AAMDC: variants seen among roughly 807,000 people sequenced by gnomAD.
AAMDC encodes the protein mth938 domain-containing protein.
A neutral mutation model predicts 15.5 loss-of-function variants in AAMDC; 16 were observed. That is an observed-to-expected ratio of 1.03 (90% confidence interval 0.70 to 1.57). The LOEUF is 1.57. Among genes scored for constraint, AAMDC ranks in the 40% most tolerant of loss-of-function variants. The pLI, the probability that AAMDC is intolerant of heterozygous loss-of-function variation, is 0.00. For missense variants in AAMDC, 141 were observed against 144.9 expected (o/e 0.97, Z 0.14); for synonymous variants, 51 against 51.6 (o/e 0.99, Z 0.05).
intron 1 of AAMDC, among the ~76,000 whole-genome samples, chr11:77,831,568 A>G (rs1423862852): frequency 2.0e-5 from 3 of 152,160 alleles, no homozygotes; most frequent in Non-Finnish European, 4.4e-5. Context: ...TCTGAGAACC[A>G]ATCTTAATAC....
chr11:77,842,008 TC>T (rs202111037), intron 1 of AAMDC, among the ~76,000 whole-genome samples: 1,707 of 152,294 alleles, frequency 0.011, 16 homozygotes, highest in South Asian at 0.024. Flanking sequence ...TGGGGGTTGT[TC>T]CAGGCAAGAA....
At chr11:77,841,003 A>AT (rs991706518) in intron 1 of AAMDC, 21 of 516,822 alleles carry the variant, frequency 4.1e-5, no homozygotes, top group Non-Finnish European at 5.9e-5. Context: ...AATGAAAATA[A>AT]TTTTTTTTCT....
At chr11:77,891,522 G>C (rs928976002) in intron 5 of AAMDC, 2 of 1,597,030 alleles carry the variant, frequency 1.3e-6, no homozygotes, top group Non-Finnish European at 1.7e-6. Flanking sequence ...ATGAGAAAAC[G>C]CATCTTTTTT....
At chr11:77,838,528 T>C (rs1239435694) in intron 1 of AAMDC, among the ~76,000 whole-genome samples, 2 of 152,310 alleles carry the variant, frequency 1.3e-5, no homozygotes, top group East Asian at 3.9e-4. Context: ...CTCCAAAATT[T>C]TGTGAGCCAC....
intron 5 of AAMDC, among the ~76,000 whole-genome samples, chr11:77,893,060 G>A (rs1399525531): frequency 1.3e-5 from 2 of 152,164 alleles, no homozygotes; most frequent in African/African-American, 2.4e-5. Context: ...GACAATGAGC[G>A]GAAGAAATGA....
At chr11:77,837,388 G>A (rs145394065) in intron 1 of AAMDC, among the ~76,000 whole-genome samples, 120 of 148,240 alleles carry the variant, frequency 8.1e-4, no homozygotes, top group Middle Eastern at 8.4e-3. Flanking sequence ...CGCCTGCCTC[G>A]GCCTCCCAAA....
At chr11:77,859,998 A>G (rs1950807233) in intron 2 of AAMDC, among the ~76,000 whole-genome samples, 1 of 152,216 alleles carries the variant, frequency 6.6e-6, no homozygotes, top group Non-Finnish European at 1.5e-5. Flanking sequence ...TAAGACTGCT[A>G]TTGCTGCCAT....
intron 1 of AAMDC, among the ~76,000 whole-genome samples, chr11:77,839,181 C>G (rs1421479521): frequency 6.6e-6 from 1 of 152,084 alleles, no homozygotes; most frequent in Admixed American, 6.6e-5. Flanking sequence ...CTCAGTCACC[C>G]AGGCTGGAGT....
chr11:77,868,382 A>T, intron 2 of AAMDC, among the ~76,000 whole-genome samples: 1 of 98,676 alleles, frequency 1.0e-5, no homozygotes, highest in African/African-American at 4.2e-5. Flanking sequence ...TTTTGAGATG[A>T]AGTCTTGGTC....
At chr11:77,826,874 G>A (rs1409555717) in intron 1 of AAMDC, among the ~76,000 whole-genome samples, 2 of 152,170 alleles carry the variant, frequency 1.3e-5, no homozygotes, top group African/African-American at 2.4e-5. Flanking sequence ...AGAGGCCGAG[G>A]TGGGCAGAAC....
At chr11:77,891,298 G>A (rs769880964) in intron 5 of AAMDC, 1 of 1,606,994 alleles carries the variant, frequency 6.2e-7, no homozygotes, top group South Asian at 1.1e-5. Flanking sequence ...GAAGCTCCAT[G>A]AGGACCCAAA....
chr11:77,895,674 C>T (rs1220321612), intron 5 of AAMDC, among the ~76,000 whole-genome samples: 3 of 151,588 alleles, frequency 2.0e-5, no homozygotes, highest in Admixed American at 6.6e-5. Context: ...GAATTCCAGC[C>T]AAGCAAGGGC....
intron 5 of AAMDC, among the ~76,000 whole-genome samples, chr11:77,878,105 G>C (rs1347982413): frequency 6.6e-6 from 1 of 152,148 alleles, no homozygotes; most frequent in Non-Finnish European, 1.5e-5. Flanking sequence ...GCTCACACTT[G>C]TAATCCCAGC....
intron 5 of AAMDC, among the ~76,000 whole-genome samples, chr11:77,899,793 G>A (rs1952697810): frequency 2.0e-5 from 3 of 152,074 alleles, no homozygotes; most frequent in African/African-American, 7.2e-5. Flanking sequence ...AGGAATAGGA[G>A]GCAGAACAGC....
rs1020879252 is a variant in AAMDC, at chr11:77,842,485, G to A, written c.-12G>A. On this transcript the variant is annotated 5_prime_UTR_variant, in exon 2 of 4. The change creates a new upstream start codon in the 5' untranslated region. Transcript: ENST00000393427. The stretch of plus-strand genomic sequence containing the variant: ...ATTTTTCTTTTAATTTCAGACTTCA[G>A]TGAAGTTCCTTATGACTTCCCCTGA... 1 of 1,612,104 alleles carries A rather than the reference G, an allele frequency of 6.2e-7. No individual in the cohort carries two copies. The highest frequency in any genetic ancestry group is 1.7e-5 in the Admixed American group (1 of 59,232).
intron 5 of AAMDC, among the ~76,000 whole-genome samples, chr11:77,880,198 G>A (rs1331490859): frequency 6.6e-6 from 1 of 152,166 alleles, no homozygotes; most frequent in Non-Finnish European, 1.5e-5. Context: ...GAAGTTCAGA[G>A]GGTAGGAATG....
chr11:77,900,731 T>C (rs1207984708), downstream of AAMDC: 3 of 647,752 alleles, frequency 4.6e-6, no homozygotes, highest in East Asian at 8.2e-5. Context: ...ATATCTGATT[T>C]CAGAGAAGTT....
At chr11:77,839,567 C>T (rs1949836655) in intron 1 of AAMDC, among the ~76,000 whole-genome samples, 1 of 152,124 alleles carries the variant, frequency 6.6e-6, no homozygotes, top group Non-Finnish European at 1.5e-5. Context: ...ATGGAATCAA[C>T]CCATATGCCC....
chr11:77,872,285 G>A lies in AAMDC; in HGVS notation c.339G>A (p.Arg113=), dbSNP rs769224687. The change falls in exon 4 of 4, where the codon AGG becomes AGA. Residue 113 remains arginine, a synonymous_variant. Transcript: ENST00000393427. ...EYNALVAQGV[R]VGGVFHSTC is the part of the protein sequence containing the mutation. ...ATGCCTTGGTTGCCCAAGGGGTCAGGGTGGGAGGTGTCTTCCATTCCACCT... is the reference window on the plus strand; with the variant it reads ...ATGCCTTGGTTGCCCAAGGGGTCAGAGTGGGAGGTGTCTTCCATTCCACCT... 1.9e-6 allele frequency: 3 copies of A among 1,613,146 alleles called. No homozygotes were observed. The highest frequency in any genetic ancestry group is 2.2e-5 in the South Asian group (2 of 90,934).
Sources: gnomAD v4.1 joint callset for allele counts (sites outside exome capture counted in the v4.1 genomes callset) on GRCh38, gnomAD v4.1.1 for gene constraint, MANE v1.5 for transcripts, NCBI Gene and HGNC (gene_info 2026-07-23, HGNC 2026-07-21) for gene names.